PLXDC2: variants seen among roughly 807,000 people sequenced by gnomAD.
PLXDC2 encodes the protein plexin domain containing 2.
PLXDC2 carries 40 observed loss-of-function variants against 68.9 expected under a neutral mutation model. The ratio of observed to expected loss-of-function variants is 0.58; its 90% CI spans 0.45 to 0.76. The LOEUF (loss-of-function observed/expected upper bound fraction) is 0.76. Ranked by LOEUF, PLXDC2 falls within the 30% of genes least tolerant of loss-of-function variation. The pLI, the probability that PLXDC2 is intolerant of heterozygous loss-of-function variation, is 0.00. For synonymous variants in PLXDC2, 243 were observed against 234.2 expected (o/e 1.04, Z -0.34); for missense variants, 644 against 661.9 (o/e 0.97, Z 0.30).
At chr10:19,944,844 C>T (rs917050611) in intron 1 of PLXDC2, among the ~76,000 whole-genome samples, 4 of 152,022 alleles carry the variant, frequency 2.6e-5, no homozygotes, top group South Asian at 4.2e-4. Context: ...CCCAGCCACT[C>T]GGGAGGCTGA....
chr10:20,154,967 C>A (rs756491536), intron 6 of PLXDC2, among the ~76,000 whole-genome samples: 1 of 151,992 alleles, frequency 6.6e-6, no homozygotes, highest in Non-Finnish European at 1.5e-5. Context: ...GAATACTTTA[C>A]CATTTCCTTC....
rs79021076 is a variant in PLXDC2 at position 19,842,567 on chromosome 10, G to T, written c.112+25376G>T. Among the ~76,000 whole-genome samples the T allele has an allele frequency of 2.9e-3, 435 of 152,214 alleles. 9 individuals are homozygous for T. The East Asian group carries it at 0.053, about 19-fold the overall frequency. On this transcript the variant is annotated intron_variant, in intron 1 of 13. Coordinates refer to ENST00000377252, the MANE Select transcript of PLXDC2 (RefSeq NM_032812.9). ...CATTTAACCACCTTATTTTCCCACT[G>T]GTTTGAGTCACAGCATAATGAACAT...
At chr10:20,094,735 G>A (rs942504639) in intron 4 of PLXDC2, among the ~76,000 whole-genome samples, 1 of 152,104 alleles carries the variant, frequency 6.6e-6, no homozygotes, top group Non-Finnish European at 1.5e-5. Flanking sequence ...TTCTAAGAAA[G>A]GGGTATTGTT....
intron 9 of PLXDC2, among the ~76,000 whole-genome samples, chr10:20,190,452 C>A (rs1456671053): frequency 1.3e-5 from 2 of 151,788 alleles, no homozygotes; most frequent in African/African-American, 2.4e-5. Flanking sequence ...AGGCAAAGCT[C>A]ACAGTTGGTG....
At chr10:20,068,691 G>A (rs1015721707) in intron 4 of PLXDC2, among the ~76,000 whole-genome samples, 4 of 149,878 alleles carry the variant, frequency 2.7e-5, no homozygotes, top group Non-Finnish European at 5.9e-5. Flanking sequence ...ACAACCATAT[G>A]TGCATTAGCT....
At chr10:20,085,442 G>T (rs1054731242) in intron 4 of PLXDC2, among the ~76,000 whole-genome samples, 25 of 152,186 alleles carry the variant, frequency 1.6e-4, no homozygotes, top group Non-Finnish European at 2.6e-4. Flanking sequence ...TGGTTAGAAG[G>T]TGAGGGAAGG....
chr10:20,082,832 A>T (rs915671077), intron 4 of PLXDC2, among the ~76,000 whole-genome samples: 1 of 152,218 alleles, frequency 6.6e-6, no homozygotes, highest in Non-Finnish European at 1.5e-5. Flanking sequence ...CTGGGAACCC[A>T]TAGAGTAGAA....
At chr10:19,977,550 C>T (rs1185972597) in intron 1 of PLXDC2, among the ~76,000 whole-genome samples, 3 of 152,156 alleles carry the variant, frequency 2.0e-5, no homozygotes, top group Admixed American at 2.0e-4. Context: ...CACCATTGCA[C>T]AGTATGTTAG....
intron 6 of PLXDC2, among the ~76,000 whole-genome samples, chr10:20,162,396 A>G (rs149545188): frequency 2.6e-5 from 4 of 152,296 alleles, no homozygotes; most frequent in Non-Finnish European, 5.9e-5. Context: ...TTACCACAGA[A>G]TCATCTGGTA....
At chr10:20,112,272 A>G (rs1258497987) in intron 4 of PLXDC2, among the ~76,000 whole-genome samples, 1 of 151,730 alleles carries the variant, frequency 6.6e-6, no homozygotes, top group African/African-American at 2.4e-5. Flanking sequence ...TAGCAATTGA[A>G]TTATATTTGA....
chr10:20,190,237 T>C (rs557806067), intron 9 of PLXDC2, among the ~76,000 whole-genome samples: 15 of 152,070 alleles, frequency 9.9e-5, no homozygotes, highest in African/African-American at 3.4e-4. Context: ...CAAACATATA[T>C]GGAGTATCTA....
At chr10:19,869,616 G>A (rs1216979407) in intron 1 of PLXDC2, among the ~76,000 whole-genome samples, 7 of 151,754 alleles carry the variant, frequency 4.6e-5, no homozygotes, top group African/African-American at 1.5e-4. Flanking sequence ...GCACAATGTG[G>A]TTAGTTATTA....
chr10:19,887,824 A>AT (rs1420798751), intron 1 of PLXDC2, among the ~76,000 whole-genome samples: 1 of 152,212 alleles, frequency 6.6e-6, no homozygotes, highest in South Asian at 2.1e-4. Context: ...AGTAAAATAG[A>AT]TTTTTTCTAG....
intron 1 of PLXDC2, among the ~76,000 whole-genome samples, chr10:19,874,642 T>C (rs991689191): frequency 6.6e-6 from 1 of 152,218 alleles, no homozygotes. Flanking sequence ...ATGCGTTGGA[T>C]GCAGACAAGC....
At position 19,817,070 on chromosome 10, in the gene PLXDC2, C is replaced by A. The variant is rs112232622; in HGVS notation, c.-10C>A. On this transcript the variant is annotated 5_prime_UTR_variant, in exon 1 of 14. Coordinates refer to ENST00000377252, the MANE Select transcript of PLXDC2 (RefSeq NM_032812.9). ...ACTGGCGGGTGGGGTAGGGAGGTGG[C>A]GGCGGCGGCATGGCGAGGTTCCCGA... 5 of 535,008 alleles carry A rather than the reference C, an allele frequency of 9.3e-6. No individual in the cohort carries two copies. The East Asian group carries it at 1.2e-4, about 13-fold the overall frequency. 33.1% of individuals were successfully genotyped at this position (535,008 alleles called of 1,614,324 possible). A position where few individuals can be genotyped will look rare whatever the true frequency, so the allele number is the denominator to read the frequency against.
At chr10:20,028,755 G>T (rs1209705722) in intron 2 of PLXDC2, among the ~76,000 whole-genome samples, 1 of 152,056 alleles carries the variant, frequency 6.6e-6, no homozygotes, top group Non-Finnish European at 1.5e-5. Context: ...GAGCTATTAT[G>T]AGTTTTATTC....
At chr10:20,149,628 A>G (rs1224798580) in intron 6 of PLXDC2, among the ~76,000 whole-genome samples, 3 of 151,976 alleles carry the variant, frequency 2.0e-5, no homozygotes, top group African/African-American at 7.2e-5. Context: ...TGGCCCATGC[A>G]TTCTCATCAT....
chr10:20,205,746 T>G (rs891116292), intron 9 of PLXDC2, among the ~76,000 whole-genome samples: 2 of 151,996 alleles, frequency 1.3e-5, no homozygotes, highest in African/African-American at 4.8e-5. Flanking sequence ...TTACTTAATC[T>G]TTACTAGACA....
At chr10:20,080,372 A>G (rs1836530309) in intron 4 of PLXDC2, among the ~76,000 whole-genome samples, 2 of 118,796 alleles carry the variant, frequency 1.7e-5, no homozygotes, top group African/African-American at 9.5e-5. Context: ...CCATCAGCAA[A>G]CTGAGGATCA....
Sources: allele counts gnomAD v4.1 joint callset (sites outside exome capture counted in the v4.1 genomes callset), GRCh38; gene constraint gnomAD v4.1.1; transcripts MANE v1.5; gene names NCBI Gene and HGNC (gene_info 2026-07-23, HGNC 2026-07-21).